The following ZNF541 variants were observed in gnomAD, a reference collection of about 807,000 sequenced individuals.
The protein encoded by ZNF541 is zinc finger protein 541.
In ZNF541, 23 loss-of-function variants were observed where a neutral mutation model predicts 123.5. That is an observed-to-expected ratio of 0.19 (90% CI 0.13 to 0.26). The LOEUF is 0.26. Among genes scored for constraint, ZNF541 ranks in the 10% least tolerant of loss-of-function variants. The pLI is 1.00. For synonymous variants in ZNF541, 751 were observed against 754.5 expected (o/e 1.00, Z 0.08); for missense variants, 1,612 against 1,789.9 (o/e 0.90, Z 1.79).
chr19:47,559,753 G>A (rs1970984159), intron 2 of ZNF541, among the ~76,000 whole-genome samples: 1 of 151,816 alleles, frequency 6.6e-6, no homozygotes, highest in Admixed American at 6.6e-5. Flanking sequence ...GCGAGGCTGA[G>A]GCAGGAGGAT....
At chr19:47,550,719 T>A (rs1218504327) in intron 3 of ZNF541, among the ~76,000 whole-genome samples, 1 of 152,196 alleles carries the variant, frequency 6.6e-6, no homozygotes, top group Non-Finnish European at 1.5e-5. Flanking sequence ...CGATCACAGC[T>A]CATTGCAGTC....
chr19:47,537,996 G>T, intron 9 of ZNF541, 146 bp downstream of exon 9: 1 of 945,372 alleles, frequency 1.1e-6, no homozygotes, highest in Non-Finnish European at 1.6e-6. Context: ...TCAGTCCTGG[G>T]GCACATCTGA....
At position 47,549,584 on chromosome 19, in the gene ZNF541, G is replaced by A. The variant is rs192691671; in HGVS notation, c.308-99C>T. ...CACCTCTTAGAACCATGGTGGCCTT[G>A]TAAGTGTTGCGCGAGAACTCTTGCT... On this transcript the variant is annotated intron_variant, in intron 3 of 16. Transcript: ENST00000391901. The A allele has an allele frequency of 2.0e-6, 3 of 1,489,510 alleles. No homozygotes were observed. In the African/African-American group the frequency reaches 4.2e-5, roughly 21 times the overall value. The allele number at this position is 1,489,510 out of a possible 1,614,324, so 92.3% of individuals were successfully genotyped here.
intron 3 of ZNF541, among the ~76,000 whole-genome samples, chr19:47,550,137 G>A (rs991184509): frequency 6.6e-6 from 1 of 151,838 alleles, no homozygotes; most frequent in East Asian, 1.9e-4. Context: ...CTGTAATCCC[G>A]GCTATTTGGG....
chr19:47,555,029 G>C (rs1970757003), intron 3 of ZNF541, among the ~76,000 whole-genome samples: 1 of 150,222 alleles, frequency 6.7e-6, no homozygotes, highest in South Asian at 2.1e-4. Context: ...GGAAGCCAGA[G>C]GTTGCAGTGA....
In ZNF541 at chr19:47,525,022, C is replaced by T. The variant is rs144025220; in HGVS notation, c.3571-3028G>A. ...CTCCTTGGCTGGGTGCGGTGGCTCA[C>T]GCCTGTAATCCCAGCACTTTGGGAG... On this transcript the variant is annotated intron_variant, in intron 14 of 16. Coordinates refer to ENST00000391901, the MANE Select transcript of ZNF541 (RefSeq NM_001277075.3). Among the ~76,000 whole-genome samples, 1,504 of 152,156 alleles carry T rather than the reference C, an allele frequency of 9.9e-3. 37 individuals carry two copies. The highest frequency in any genetic ancestry group is 0.034 in the African/African-American group (1,421 of 41,496).
At chr19:47,552,653 G>C (rs1970646666) in intron 3 of ZNF541, among the ~76,000 whole-genome samples, 1 of 133,942 alleles carries the variant, frequency 7.5e-6, no homozygotes, top group Admixed American at 9.4e-5. Context: ...TGAGGCAGGA[G>C]AATGGCATGA....
intron 4 of ZNF541, among the ~76,000 whole-genome samples, chr19:47,546,813 C>A (rs1038942641): frequency 6.6e-6 from 1 of 152,130 alleles, no homozygotes; most frequent in South Asian, 2.1e-4. Context: ...CTCTGCCCCC[C>A]AGGTTCAAGC....
At chr19:47,556,106 G>C (rs763281991) in intron 2 of ZNF541, among the ~76,000 whole-genome samples, 152 bp from the exon 3 acceptor site, 1 of 152,158 alleles carries the variant, frequency 6.6e-6, no homozygotes, top group Non-Finnish European at 1.5e-5. Flanking sequence ...TAAGCTCCAC[G>C]AGCCCCAGGT....
intron 3 of ZNF541, among the ~76,000 whole-genome samples, chr19:47,551,543 T>C (rs1046758304): frequency 1.3e-5 from 2 of 151,980 alleles, no homozygotes; most frequent in African/African-American, 4.8e-5. Context: ...AGCTAATTTT[T>C]ATTTTTATTT....
At chr19:47,562,669 A>G (rs1043979388) in intron 2 of ZNF541, among the ~76,000 whole-genome samples, 1 of 152,238 alleles carries the variant, frequency 6.6e-6, no homozygotes, top group Middle Eastern at 3.2e-3. Flanking sequence ...TGAGTCATGA[A>G]AACAAAAAAG....
At chr19:47,535,728 T>G (rs963666004) in intron 9 of ZNF541, among the ~76,000 whole-genome samples, 2 of 139,352 alleles carry the variant, frequency 1.4e-5, no homozygotes, top group African/African-American at 2.7e-5. Context: ...CCCAGAGTTG[T>G]TTTTTTTTTT....
chr19:47,560,171 G>C (rs1003070185), intron 2 of ZNF541, among the ~76,000 whole-genome samples: 1 of 152,132 alleles, frequency 6.6e-6, no homozygotes, highest in African/African-American at 2.4e-5. Context: ...AAAGTCAAAT[G>C]AACTAGATGC....
chr19:47,545,838 G>C lies in ZNF541; in HGVS notation c.691C>G (p.Pro231Ala), dbSNP rs1480011052. Residue 231 changes from proline (P) to alanine (A), a missense_variant, in exon 5 of 17, where the codon CCG becomes GCG. By Grantham distance (27) the Pro-to-Ala change is conservative (BLOSUM62 -1). Around this residue, in one of 5 missense-constraint regions of ZNF541, gnomAD observed 1,080 missense variants for 1,013.8 expected, o/e 1.07. Transcript: ENST00000391901. The surrounding 1 kb of genome is among the most constrained non-coding windows in gnomAD (Gnocchi z 7.5). ...HGLCILKEAPPEEEACGDSPH... is the reference protein window; with the variant it reads ...HGLCILKEAPAEEEACGDSPH... ...GAGTCCCCGCAGGCCTCTTCCTCCG[G>C]GGGGGCTTCCTTCAGGATGCACAGG... 7 of 1,549,038 alleles carry C rather than the reference G, an allele frequency of 4.5e-6. No homozygotes were observed. The highest frequency in any genetic ancestry group is 2.7e-5 in the African/African-American group (2 of 73,014).
chr19:47,549,079 A>AG (rs398034866), intron 4 of ZNF541, among the ~76,000 whole-genome samples, 166 bp downstream of exon 4: 4 of 150,826 alleles, frequency 2.7e-5, no homozygotes, highest in Middle Eastern at 3.2e-3. Flanking sequence ...AAAAAAAAAA[A>AG]GCATGGAGTG....
At chr19:47,523,517 C>T (rs978440176) in intron 14 of ZNF541, among the ~76,000 whole-genome samples, 25 of 152,038 alleles carry the variant, frequency 1.6e-4, no homozygotes, top group African/African-American at 6.0e-4. Flanking sequence ...GCCTAAGAGA[C>T]ATCACTAAGT....
Position 47,545,782 on chromosome 19 carries a change from C to T in ZNF541, c.747G>A (p.Pro249=), listed in dbSNP as rs958832609. ...CCAGGGACCGCAGGCTGCTGGGGGG[C>T]GGCTGGCCGGCCGACTCGTGGGCGT... ...SPHAHESAGQ[P]PPSSLRSLVP... The change falls in exon 5 of 17, where the codon CCG becomes CCA. Residue 249 remains proline (P), a synonymous_variant. Coordinates refer to ENST00000391901, the MANE Select transcript of ZNF541 (RefSeq NM_001277075.3). This position sits in a 1 kb window ranked among gnomAD's most constrained non-coding sequence, Gnocchi z 7.5. 3.9e-6 allele frequency: 6 copies of T among 1,539,276 alleles called. No individual in the cohort carries two copies. In the African/African-American group the frequency reaches 8.2e-5, roughly 21 times the overall value.
chr19:47,530,375 G>A (rs899342305), intron 12 of ZNF541, among the ~76,000 whole-genome samples: 6 of 147,040 alleles, frequency 4.1e-5, no homozygotes, highest in Admixed American at 6.8e-5. Context: ...GTAGAGACGG[G>A]ATTTTACCAT....
chr19:47,570,379 A>T (rs1971431882), intron 2 of ZNF541, among the ~76,000 whole-genome samples: 1 of 151,604 alleles, frequency 6.6e-6, no homozygotes, highest in South Asian at 2.1e-4. Context: ...GGAGTTTGAG[A>T]CCGCCTTGCC....
Sources: gnomAD v4.1 joint callset for allele counts (sites outside exome capture counted in the v4.1 genomes callset) on GRCh38, gnomAD v4.1.1 for gene constraint, gnomAD v4.1.1 regional missense constraint, Gnocchi (gnomAD v3.1) non-coding constraint, MANE v1.5 for transcripts, NCBI Gene and HGNC (gene_info 2026-07-23, HGNC 2026-07-21) for gene names.